The following SLC71A1 variants were observed in gnomAD, a reference collection of about 807,000 sequenced individuals.
SLC71A1 encodes solute carrier family 71 member 1.
chr1:100,057,334 GT>G, the SLC71A1 span, among the ~76,000 whole-genome samples: 25 of 132,956 alleles, frequency 1.9e-4, no homozygotes, highest in Non-Finnish European at 2.5e-4. Flanking sequence ...GTCTGCGACT[GT>G]TTTTTTTTTT....
chr1:100,046,212 GTTTTTTTTTTTT>G, the SLC71A1 span, among the ~76,000 whole-genome samples: 16 of 54,114 alleles, frequency 3.0e-4, no homozygotes, highest in East Asian at 6.5e-3. Context: ...TCCAAGCCTC[GTTTTTTTTTTTT>G]TTTTTTTTTT....
At chr1:100,080,045 C>T in the SLC71A1 span, 10,973 of 154,070 alleles carry the variant, frequency 0.071, 564 homozygotes, top group Non-Finnish European at 0.11. Context: ...GTATTTGAGC[C>T]CAGGAAGTTG....
the SLC71A1 span, chr1:100,068,563 A>G: frequency 6.2e-7 from 1 of 1,610,722 alleles, no homozygotes; most frequent in Non-Finnish European, 8.5e-7. Context: ...CCAATATTCC[A>G]GCTTTTTTTT....
chr1:100,042,221 G>A, the SLC71A1 span, among the ~76,000 whole-genome samples: 2 of 152,190 alleles, frequency 1.3e-5, no homozygotes, highest in South Asian at 2.1e-4. Flanking sequence ...AGTGGAAAAT[G>A]TATAGTTCTT....
chr1:100,075,778 G>A, the SLC71A1 span, among the ~76,000 whole-genome samples: 1 of 152,016 alleles, frequency 6.6e-6, no homozygotes, highest in Non-Finnish European at 1.5e-5. Context: ...TCCTGGGCTC[G>A]AGTGATCCTC....
At chr1:100,082,324 G>GT in the SLC71A1 span, 1 of 782,206 alleles carries the variant, frequency 1.3e-6, no homozygotes, top group Non-Finnish European at 2.1e-6. Context: ...CTTAAGAAAT[G>GT]TATCTGCATG....
At chr1:100,080,709 A>G in the SLC71A1 span, 1 of 1,512,898 alleles carries the variant, frequency 6.6e-7, no homozygotes, top group Non-Finnish European at 9.0e-7. Context: ...TGGCTAGATT[A>G]AAGGCTACTG....
At chr1:100,059,922 T>C in the SLC71A1 span, 1 of 1,613,258 alleles carries the variant, frequency 6.2e-7, no homozygotes, top group East Asian at 2.2e-5. Flanking sequence ...GTGCTCTTTC[T>C]GATGTTTGGG....
At chr1:100,076,900 C>G in the SLC71A1 span, among the ~76,000 whole-genome samples, 1 of 152,182 alleles carries the variant, frequency 6.6e-6, no homozygotes, top group African/African-American at 2.4e-5. Flanking sequence ...TTTTCAACTA[C>G]TGATTTAAGT....
At chr1:100,062,876 G>T in the SLC71A1 span, among the ~76,000 whole-genome samples, 9 of 136,080 alleles carry the variant, frequency 6.6e-5, no homozygotes, top group Admixed American at 7.5e-4. Context: ...AGGAGTTCAC[G>T]ACCAGCCTGG....
chr1:100,062,127 A>G, the SLC71A1 span: 3 of 492,140 alleles, frequency 6.1e-6, no homozygotes, highest in East Asian at 1.0e-4. Context: ...AGGCTATGTA[A>G]GTTTTGATTC....
At chr1:100,070,548 A>C in the SLC71A1 span, among the ~76,000 whole-genome samples, 4 of 152,290 alleles carry the variant, frequency 2.6e-5, no homozygotes, top group East Asian at 7.7e-4. Context: ...GTTGGTAAAC[A>C]GTTGTTGTGT....
the SLC71A1 span, among the ~76,000 whole-genome samples, chr1:100,067,330 G>A: frequency 1.3e-5 from 2 of 152,044 alleles, no homozygotes; most frequent in African/African-American, 2.4e-5. Flanking sequence ...TGCAACCTCC[G>A]CCTTTCTGGC....
chr1:100,075,380 T>G, the SLC71A1 span, among the ~76,000 whole-genome samples: 1 of 152,190 alleles, frequency 6.6e-6, no homozygotes, highest in Non-Finnish European at 1.5e-5. Context: ...GCTCTGTGAG[T>G]TCCTAGAGCC....
chr1:100,056,679 T>G, the SLC71A1 span, among the ~76,000 whole-genome samples: 1 of 152,216 alleles, frequency 6.6e-6, no homozygotes, highest in Non-Finnish European at 1.5e-5. Context: ...ATATACTGAT[T>G]TCCTTTTTTT....
the SLC71A1 span, among the ~76,000 whole-genome samples, chr1:100,059,118 T>C: frequency 6.6e-6 from 1 of 150,538 alleles, no homozygotes; most frequent in East Asian, 1.9e-4. Flanking sequence ...GGTTATTATA[T>C]GAATTCTTTG....
the SLC71A1 span, among the ~76,000 whole-genome samples, chr1:100,046,076 T>C: frequency 6.6e-6 from 1 of 152,258 alleles, no homozygotes; most frequent in Admixed American, 6.5e-5. Context: ...TGACTGTAAA[T>C]GCATGGATTT....
the SLC71A1 span, among the ~76,000 whole-genome samples, chr1:100,047,654 T>C: frequency 6.6e-6 from 1 of 152,342 alleles, no homozygotes; most frequent in Admixed American, 6.5e-5. Context: ...ACTCCTGACC[T>C]CAGGTGATCC....
chr1:100,043,060 GT>G, the SLC71A1 span: 6 of 955,988 alleles, frequency 6.3e-6, no homozygotes, highest in South Asian at 4.8e-5. Context: ...TTAATATGCA[GT>G]TTTTTTTTCA....
Sources: gnomAD v4.1 joint callset for allele counts (sites outside exome capture counted in the v4.1 genomes callset) on GRCh38, gnomAD v4.1.1 for gene constraint, MANE v1.5 for transcripts, NCBI Gene and HGNC (gene_info 2026-07-23, HGNC 2026-07-21) for gene names.